KIAA1217: variants seen among roughly 807,000 people sequenced by gnomAD.
KIAA1217 encodes sickle tail protein homolog.
In KIAA1217, 88 loss-of-function variants were observed where a neutral mutation model predicts 163.9. That is an observed-to-expected ratio of 0.54 (90% confidence interval 0.45 to 0.64). The LOEUF (loss-of-function observed/expected upper bound fraction) is 0.64, where lower values mean the gene tolerates loss of function less well. Ranked by LOEUF, KIAA1217 falls within the 30% of genes least tolerant of loss-of-function variation. The pLI is 0.00. For missense variants in KIAA1217, 2,372 were observed against 2,475.0 expected, an observed-to-expected ratio of 0.96 and a Z score of 0.88; for synonymous variants, 903 against 923.1, an observed-to-expected ratio of 0.98 and a Z score of 0.39.
chr10:23,958,201 C>G (rs10764435), intron 1 of KIAA1217, among the ~76,000 whole-genome samples: 63,921 of 152,094 alleles, frequency 0.42, 16,664 homozygotes, highest in African/African-American at 0.74. Flanking sequence ...AAGATAAGTG[C>G]TTGGCCAAAG....
intron 1 of KIAA1217, among the ~76,000 whole-genome samples, chr10:23,711,975 A>G (rs60615289): frequency 2.3e-3 from 349 of 152,274 alleles, no homozygotes; most frequent in African/African-American, 8.1e-3. Flanking sequence ...GCCAAAGTCT[A>G]TAGTCCAGAC....
chr10:24,339,747 G>T (rs72776716), intron 2 of KIAA1217, among the ~76,000 whole-genome samples: 18 of 152,302 alleles, frequency 1.2e-4, no homozygotes, highest in Admixed American at 6.5e-4. Flanking sequence ...TTGCACCCAG[G>T]TCTCTCTGAG....
chr10:24,523,427 G>A (rs1405836773), intron 12 of KIAA1217, among the ~76,000 whole-genome samples: 1 of 152,142 alleles, frequency 6.6e-6, no homozygotes, highest in Non-Finnish European at 1.5e-5. Context: ...GGTAAAAAAA[G>A]AAACAGCAAA....
chr10:24,321,344 G>A (rs75655507), intron 2 of KIAA1217, among the ~76,000 whole-genome samples: 7,748 of 152,076 alleles, frequency 0.051, 415 homozygotes, highest in African/African-American at 0.13. Flanking sequence ...TTCGAGACCA[G>A]CCTGACCAAC....
At chr10:24,544,600 T>C in intron 19 of KIAA1217, 119 bp downstream of exon 19, 2 of 1,223,544 alleles carry the variant, frequency 1.6e-6, no homozygotes, top group Non-Finnish European at 2.2e-6. Context: ...TTTTTTTTTT[T>C]TGTCTGTTCG....
intron 1 of KIAA1217, among the ~76,000 whole-genome samples, chr10:23,875,837 A>G (rs1840665902): frequency 1.3e-5 from 2 of 151,630 alleles, no homozygotes; most frequent in Admixed American, 1.3e-4. Context: ...TTCTAAGCAA[A>G]CTATCACAAG....
intron 6 of KIAA1217, among the ~76,000 whole-genome samples, chr10:24,494,012 C>A (rs551265717): frequency 7.2e-5 from 11 of 152,146 alleles, no homozygotes; most frequent in Non-Finnish European, 1.6e-4. Context: ...TTTGTGTTGC[C>A]CCTAAGCTGT....
intron 2 of KIAA1217, among the ~76,000 whole-genome samples, chr10:24,148,948 A>G (rs2064471824): frequency 6.6e-6 from 1 of 152,150 alleles, no homozygotes; most frequent in African/African-American, 2.4e-5. Flanking sequence ...TGATATGGAA[A>G]CTTCTGTGAG....
chr10:24,195,019 G>A (rs2066918263), intron 2 of KIAA1217, among the ~76,000 whole-genome samples: 1 of 152,056 alleles, frequency 6.6e-6, no homozygotes, highest in Non-Finnish European at 1.5e-5. Context: ...AGGAGAATGA[G>A]GCTGTCTTCC....
chr10:23,894,872 G>C (rs1841604341), intron 1 of KIAA1217, among the ~76,000 whole-genome samples: 2 of 151,930 alleles, frequency 1.3e-5, no homozygotes, highest in Non-Finnish European at 2.9e-5. Flanking sequence ...ACAAACCTGA[G>C]AAAAACAAGC....
intron 3 of KIAA1217, among the ~76,000 whole-genome samples, chr10:24,386,563 TTTTATTTA>T (rs61345194): frequency 6.0e-5 from 9 of 150,250 alleles, no homozygotes; most frequent in African/African-American, 4.9e-5. Context: ...AATAAATCTA[TTTTATTTA>T]TTTATTTATT....
intron 1 of KIAA1217, among the ~76,000 whole-genome samples, chr10:23,943,973 A>T (rs544191771): frequency 6.6e-6 from 1 of 152,370 alleles, no homozygotes; most frequent in East Asian, 1.9e-4. Flanking sequence ...ACTAAAAAAC[A>T]TCTAGAAGCA....
chr10:24,458,360 A>AT (rs1245581022), intron 5 of KIAA1217, among the ~76,000 whole-genome samples: 1 of 151,894 alleles, frequency 6.6e-6, no homozygotes, highest in East Asian at 1.9e-4. Context: ...TTGGAAGAAG[A>AT]TTTTTTTTGC....
Position 24,437,596 on chromosome 10 carries a change from A to G in KIAA1217, c.753-790A>G, listed in dbSNP as rs560917959. Among the ~76,000 whole-genome samples the G allele has an allele frequency of 2.0e-4, 30 of 152,298 alleles. No homozygotes were observed. In the South Asian group the frequency reaches 6.2e-3, roughly 32 times the overall value. On this transcript the variant is annotated intron_variant, in intron 4 of 20. Coordinates refer to ENST00000376454, the MANE Select transcript of KIAA1217 (RefSeq NM_019590.5). ...TGGCCCTTCTGCTGATGAAAGCTGA[A>G]CATGGAGGGAGAGAGACTTCATAGA... is the stretch of plus-strand genomic sequence containing the variant.
intron 1 of KIAA1217, among the ~76,000 whole-genome samples, chr10:23,918,578 G>A (rs1298385453): frequency 1.3e-5 from 2 of 152,070 alleles, no homozygotes; most frequent in African/African-American, 2.4e-5. Context: ...GTGAATGCTT[G>A]CGCTGTCATA....
chr10:23,697,907 C>T (rs914736061), intron 1 of KIAA1217, among the ~76,000 whole-genome samples: 1 of 151,688 alleles, frequency 6.6e-6, no homozygotes, highest in Non-Finnish European at 1.5e-5. Context: ...AACAAAACTA[C>T]TTACTTTTGC....
chr10:24,353,319 C>G (rs568975894), intron 2 of KIAA1217, among the ~76,000 whole-genome samples: 3 of 152,316 alleles, frequency 2.0e-5, no homozygotes, highest in African/African-American at 7.2e-5. Context: ...TTGTCCTTCT[C>G]TTTCAAACAT....
In KIAA1217 at chr10:24,090,332, C is replaced by CTTTTTTTTTTTTT. The variant is rs35966270; in HGVS notation, c.-171+82974_-171+82986dup. Among the ~76,000 whole-genome samples, 18 of 58,936 alleles carry CTTTTTTTTTTTTT rather than the reference C, an allele frequency of 3.1e-4. 5 individuals are homozygous for CTTTTTTTTTTTTT. Among genetic ancestry groups the CTTTTTTTTTTTTT allele is most frequent in the African/African-American group, 2.1e-3 (18 of 8,546 alleles). 38.7% of individuals were successfully genotyped at this position (58,936 alleles called of 152,430 possible). ...CAGGCATGCACCCTCACATCCTGCT[C>CTTTTTTTTTTTTT]TTTTTTTTTTTTTTTTTTTTTTTTT... On this transcript the variant is annotated intron_variant, in intron 2 of 18. Transcript: ENST00000376462.
intron 2 of KIAA1217, among the ~76,000 whole-genome samples, chr10:24,032,473 C>T (rs868493906): frequency 7.9e-5 from 12 of 152,056 alleles, no homozygotes; most frequent in Non-Finnish European, 1.5e-4. Flanking sequence ...TCTCCAACTC[C>T]GAGGCCCAAG....
Sources: gnomAD v4.1 joint callset for allele counts (sites outside exome capture counted in the v4.1 genomes callset) on GRCh38, gnomAD v4.1.1 for gene constraint, MANE v1.5 for transcripts, NCBI Gene and HGNC (gene_info 2026-07-23, HGNC 2026-07-21) for gene names.